The following DIP2C variants were observed in gnomAD, a reference collection of about 807,000 sequenced individuals.
DIP2C encodes disco-interacting protein 2 homolog C.
Under a neutral mutation model 192.4 loss-of-function variants are expected in DIP2C, and 33 were observed. The ratio of observed to expected loss-of-function variants is 0.17; its 90% CI spans 0.13 to 0.23. DIP2C has a LOEUF of 0.23. Ranked by LOEUF, DIP2C falls within the 10% of genes least tolerant of loss-of-function variation. The pLI is 1.00. For synonymous variants in DIP2C, 979 were observed against 864.1 expected (o/e 1.13, Z -2.33); for missense variants, 1,537 against 2,110.1 (o/e 0.73, Z 5.32).
intron 1 of DIP2C, among the ~76,000 whole-genome samples, chr10:532,294 G>A (rs1475934043): frequency 1.3e-5 from 2 of 152,056 alleles, no homozygotes; most frequent in Non-Finnish European, 2.9e-5. Context: ...CAGTCATGCT[G>A]AACCAGAACT....
At chr10:389,699 C>T (rs1236313019) in intron 13 of DIP2C, among the ~76,000 whole-genome samples, 2 of 152,220 alleles carry the variant, frequency 1.3e-5, no homozygotes, top group Non-Finnish European at 2.9e-5. Flanking sequence ...CATCTTCTCA[C>T]ACCTCCTACG....
intron 17 of DIP2C, among the ~76,000 whole-genome samples, chr10:373,199 C>T (rs967983661): frequency 7.9e-5 from 12 of 152,148 alleles, no homozygotes; most frequent in African/African-American, 2.9e-4. Flanking sequence ...GTGAATCAGT[C>T]TACTGCTCTC....
chr10:671,526 C>A (rs1273346019), intron 1 of DIP2C, among the ~76,000 whole-genome samples: 2 of 102,496 alleles, frequency 2.0e-5, no homozygotes, highest in East Asian at 3.1e-4. Context: ...GACGCACGGA[C>A]GGAGGAAACA....
intron 1 of DIP2C, among the ~76,000 whole-genome samples, chr10:685,131 T>TCC (rs1564340827): frequency 2.6e-5 from 1 of 38,880 alleles, no homozygotes; most frequent in African/African-American, 9.7e-5. Context: ...TGAAACTTGG[T>TCC]CCCCAAAAAA....
chr10:347,227 T>C (rs61836769), intron 26 of DIP2C, among the ~76,000 whole-genome samples: 40 of 11,266 alleles, frequency 3.6e-3, no homozygotes, highest in African/African-American at 0.016. Flanking sequence ...AGACACATCG[T>C]GCATAGTTCT....
At chr10:565,208 G>A (rs376924699) in intron 1 of DIP2C, among the ~76,000 whole-genome samples, 52 of 152,152 alleles carry the variant, frequency 3.4e-4, no homozygotes, top group South Asian at 2.3e-3. Flanking sequence ...TAGACTAAGC[G>A]TGAATGTCCT....
At chr10:427,248 TTTAAAGTCCATCACTC>T (rs1966652695) in intron 4 of DIP2C, among the ~76,000 whole-genome samples, 1 of 152,212 alleles carries the variant, frequency 6.6e-6, no homozygotes, top group Non-Finnish European at 1.5e-5. Context: ...CCTCCTCATC[TTTAAAGTCCATCACTC>T]CAGTCTCCAA....
At chr10:333,518 C>G (rs577905195) in intron 29 of DIP2C, among the ~76,000 whole-genome samples, 1 of 152,226 alleles carries the variant, frequency 6.6e-6, no homozygotes, top group Non-Finnish European at 1.5e-5. Flanking sequence ...ACCATGTGGA[C>G]GTGGCAGGCG....
chr10:469,334 T>C (rs189911108), intron 3 of DIP2C, among the ~76,000 whole-genome samples: 3,037 of 103,126 alleles, frequency 0.029, 109 homozygotes, highest in African/African-American at 0.096. Context: ...TTTTTTTTTT[T>C]GAGACACAGT....
intron 9 of DIP2C, among the ~76,000 whole-genome samples, chr10:406,685 C>T (rs958980563): frequency 4.6e-5 from 7 of 152,104 alleles, no homozygotes; most frequent in Admixed American, 3.3e-4. Flanking sequence ...GCTTGGGGAC[C>T]AGTCTGCCTT....
At chr10:591,050 A>C (rs975840100) in intron 1 of DIP2C, among the ~76,000 whole-genome samples, 1 of 152,108 alleles carries the variant, frequency 6.6e-6, no homozygotes, top group Non-Finnish European at 1.5e-5. Context: ...CATCCAATTC[A>C]TCCTGTCACT....
At chr10:664,015 G>A (rs1265307120) in intron 1 of DIP2C, 1 of 136,874 alleles carries the variant, frequency 7.3e-6, no homozygotes, top group Non-Finnish European at 1.5e-5. Flanking sequence ...AACAAAGACG[G>A]GAAAAAACAA....
At chr10:318,412 A>G (rs1433027216) in intron 31 of DIP2C, among the ~76,000 whole-genome samples, 1 of 152,204 alleles carries the variant, frequency 6.6e-6, no homozygotes, top group Non-Finnish European at 1.5e-5. Flanking sequence ...GACACGATCC[A>G]GGTTTGGGGA....
At chr10:612,507 G>T (rs1224901020) in intron 1 of DIP2C, among the ~76,000 whole-genome samples, 1 of 152,150 alleles carries the variant, frequency 6.6e-6, no homozygotes, top group Non-Finnish European at 1.5e-5. Context: ...AAACAAGTGT[G>T]GGGTAAGACC....
chr10:333,519 G>T (rs1364205865), intron 29 of DIP2C, among the ~76,000 whole-genome samples: 1 of 152,246 alleles, frequency 6.6e-6, no homozygotes, highest in Non-Finnish European at 1.5e-5. Context: ...CCATGTGGAC[G>T]TGGCAGGCGT....
At chr10:385,054 G>A (rs1211287304) in intron 14 of DIP2C, among the ~76,000 whole-genome samples, 1 of 151,278 alleles carries the variant, frequency 6.6e-6, no homozygotes, top group African/African-American at 2.4e-5. Context: ...CGGGCCCTGA[G>A]GAGAAGCAGC....
intron 29 of DIP2C, among the ~76,000 whole-genome samples, chr10:330,811 A>AT (rs1491363037): frequency 9.2e-5 from 6 of 65,352 alleles, no homozygotes; most frequent in African/African-American, 3.3e-4. Context: ...CAACCTACAC[A>AT]ATTTTTTTTT....
rs149263097 is a variant in DIP2C, at chr10:422,828, G to A, written c.600C>T (p.His200=). The A allele has an allele frequency of 6.2e-7, 1 of 1,611,518 alleles. No homozygotes were observed. Among genetic ancestry groups the A allele is most frequent in the Non-Finnish European group, 8.5e-7 (1 of 1,179,798 alleles). The change falls in exon 5 of 37, where the codon CAC becomes CAT. Residue 200 remains histidine (H), a synonymous_variant. Coordinates refer to ENST00000280886, the MANE Select transcript of DIP2C (RefSeq NM_014974.3). ...HRLADVMAQT[H]IENHSAPPDV... ...GACACCGTGAAGCGTGCTCACCTAT[G>A]TGGGTCTGAGCCATGACGTCCGCCA...
chr10:469,783 G>C (rs1970483009), intron 3 of DIP2C, among the ~76,000 whole-genome samples: 1 of 152,110 alleles, frequency 6.6e-6, no homozygotes, highest in South Asian at 2.1e-4. Context: ...TCATCTTCAG[G>C]ATCAAGTCCA....
Sources: gnomAD v4.1 joint callset for allele counts (sites outside exome capture counted in the v4.1 genomes callset) on GRCh38, gnomAD v4.1.1 for gene constraint, MANE v1.5 for transcripts, NCBI Gene and HGNC (gene_info 2026-07-23, HGNC 2026-07-21) for gene names.